The following DHRSX variants were observed in gnomAD, a reference collection of about 807,000 sequenced individuals.
DHRSX encodes polyprenol dehydrogenase.
A neutral mutation model predicts 34.0 loss-of-function variants in DHRSX; 31 were observed. That is an observed-to-expected ratio of 0.91 (90% CI 0.69 to 1.23). The LOEUF is 1.23. DHRSX is among the 50% of genes most tolerant of loss of function. The probability of loss-of-function intolerance (pLI) is 0.00; values close to 1 mark genes in which losing one functional copy is unlikely to be tolerated. For missense variants in DHRSX, 414 were observed against 428.1 expected (o/e 0.97, Z 0.29); for synonymous variants, 201 against 183.8 (o/e 1.09, Z -0.76).
chrX:2,494,611 A>G (rs1290144623), intron 1 of DHRSX, among the ~76,000 whole-genome samples: 1 of 151,880 alleles, frequency 6.6e-6, no homozygotes, highest in Non-Finnish European at 1.5e-5. Context: ...ACTTCAGTCA[A>G]AGGTTTATGT....
chrX:2,291,424 C>T (rs1245716265), intron 4 of DHRSX, 78 bp downstream of exon 4: 47 of 1,134,332 alleles, frequency 4.1e-5, no homozygotes, highest in Non-Finnish European at 6.3e-5. Context: ...TGCTGAGACA[C>T]TTCTCCCGCA....
chrX:2,312,870 A>T (rs1186800311), intron 3 of DHRSX, among the ~76,000 whole-genome samples: 2 of 152,090 alleles, frequency 1.3e-5, no homozygotes, highest in African/African-American at 4.8e-5. Context: ...CATGGGCCAG[A>T]TCCAATGTGC....
Position 2,377,791 on chromosome X carries a change from T to C in DHRSX, c.286+30954A>G, listed in dbSNP as rs1271381822. On this transcript the variant is annotated intron_variant, in intron 3 of 6. Coordinates refer to ENST00000334651, the MANE Select transcript of DHRSX (RefSeq NM_145177.3). ...GTCTTGCTCTGTCGCCAGGCTGGAG[T>C]GCAGTGGCATGATCTCAGCTCACTG... 4.0e-5 allele frequency among the ~76,000 whole-genome samples: 6 copies of C among 149,356 alleles called. No individual in the cohort carries two copies. In the East Asian group the frequency reaches 1.2e-3, roughly 30 times the overall value.
At position 2,243,788 on chromosome X, in the gene DHRSX, G is replaced by GTTTTTTTTTTTTT. The variant is rs778957532; in HGVS notation, c.597-571_597-559dup. Among the ~76,000 whole-genome samples the GTTTTTTTTTTTTT allele has an allele frequency of 3.3e-3, 82 of 25,066 alleles. 5 individuals carry two copies. Among genetic ancestry groups the GTTTTTTTTTTTTT allele is most frequent in the East Asian group, 7.8e-3 (4 of 512 alleles). The allele number at this position is 25,066 out of a possible 152,430, so 16.4% of individuals were successfully genotyped here. A position where few individuals can be genotyped will look rare whatever the true frequency, so the allele number is the denominator to read the frequency against. ...ACAGGCAGGAGCCACTATGCTCCCT[G>GTTTTTTTTTTTTT]TTTTTTTTTTTTTTTTTTTTTTTTT... On this transcript the variant is annotated intron_variant, in intron 5 of 6. Transcript: ENST00000334651.
intron 3 of DHRSX, among the ~76,000 whole-genome samples, chrX:2,328,055 G>A (rs1045495794): frequency 2.9e-5 from 4 of 140,174 alleles, no homozygotes; most frequent in Non-Finnish European, 3.0e-5. Flanking sequence ...ACTCCAGCCT[G>A]GGCGACAGAG....
intron 2 of DHRSX, among the ~76,000 whole-genome samples, chrX:2,417,597 T>A (rs2043713170): frequency 6.6e-6 from 1 of 151,988 alleles, no homozygotes; most frequent in Non-Finnish European, 1.5e-5. Context: ...TTAGACGTCA[T>A]CATGACCTAC....
intron 1 of DHRSX, among the ~76,000 whole-genome samples, chrX:2,498,628 A>AAC (rs1930798605): frequency 6.6e-6 from 1 of 150,974 alleles, no homozygotes; most frequent in South Asian, 2.1e-4. Context: ...TAAATGGGAA[A>AAC]AAAAAAAAAA....
chrX:2,297,964 C>T lies in DHRSX; in HGVS notation c.287-6361G>A, dbSNP rs1273372546. ...AAAGATGGGGTTTCACCATGTTGGCCGGGCTGGTCTCAAACTCCTGACCTC... is the reference window on the plus strand; with the variant it reads ...AAAGATGGGGTTTCACCATGTTGGCTGGGCTGGTCTCAAACTCCTGACCTC... On this transcript the variant is annotated intron_variant, in intron 3 of 6. Transcript: ENST00000334651. Among the ~76,000 whole-genome samples the T allele has an allele frequency of 1.1e-4, 16 of 151,942 alleles. 1 individual carries two copies. Among genetic ancestry groups the T allele is most frequent in the Admixed American group, 7.9e-4 (12 of 15,248 alleles).
intron 3 of DHRSX, among the ~76,000 whole-genome samples, chrX:2,320,939 T>C (rs1179096362): frequency 1.3e-5 from 2 of 152,124 alleles, no homozygotes; most frequent in East Asian, 3.9e-4. Flanking sequence ...AAAAAGACAC[T>C]GCAGGTCAGC....
At chrX:2,400,181 A>C (rs1394795492) in intron 3 of DHRSX, among the ~76,000 whole-genome samples, 1 of 152,242 alleles carries the variant, frequency 6.6e-6, no homozygotes, top group Non-Finnish European at 1.5e-5. Flanking sequence ...TTCCAACTTC[A>C]GCACAGACAT....
At chrX:2,489,555 T>G in intron 1 of DHRSX, 1 of 1,612,764 alleles carries the variant, frequency 6.2e-7, no homozygotes, top group East Asian at 2.2e-5. Flanking sequence ...GCCCACTCGC[T>G]GGCCTCCAGC....
chrX:2,431,790 C>G (rs959416898), intron 1 of DHRSX, among the ~76,000 whole-genome samples: 10 of 152,210 alleles, frequency 6.6e-5, no homozygotes, highest in African/African-American at 2.2e-4. Flanking sequence ...GGTTGGAAAA[C>G]TATTGAGTGC....
chrX:2,377,805 C>G (rs1447627532), intron 3 of DHRSX, among the ~76,000 whole-genome samples: 3 of 150,264 alleles, frequency 2.0e-5, no homozygotes, highest in African/African-American at 7.4e-5. Context: ...GTGGCATGAT[C>G]TCAGCTCACT....
intron 1 of DHRSX, among the ~76,000 whole-genome samples, chrX:2,432,793 A>G (rs991940622): frequency 1.3e-5 from 2 of 152,172 alleles, no homozygotes; most frequent in African/African-American, 4.8e-5. Context: ...AAAATTCAGA[A>G]AGATGGTTAG....
chrX:2,413,255 G>A (rs1370314265), intron 2 of DHRSX, among the ~76,000 whole-genome samples: 1 of 152,106 alleles, frequency 6.6e-6, no homozygotes, highest in Admixed American at 6.6e-5. Context: ...AGGGGGGTGG[G>A]TTGCTGAGAT....
intron 1 of DHRSX, among the ~76,000 whole-genome samples, chrX:2,437,021 C>T (rs987225943): frequency 4.0e-5 from 6 of 151,554 alleles, no homozygotes; most frequent in African/African-American, 9.7e-5. Context: ...TTTTTGAGAC[C>T]GAGTCTCGCT....
intron 1 of DHRSX, among the ~76,000 whole-genome samples, chrX:2,452,180 ACCG>A (rs1230769919): frequency 6.6e-6 from 1 of 151,948 alleles, no homozygotes; most frequent in Non-Finnish European, 1.5e-5. Context: ...TGGCTAAGGG[ACCG>A]CCGCCATGTA....
rs776674786 is a variant in DHRSX, at chrX:2,474,866, C to A, written c.109+25951G>T. ...CTAAGGGACCGCCGCCATGTACACA[C>A]TTAAGACGTTCCCTAAGAATGCGGC... On this transcript the variant is annotated intron_variant, in intron 1 of 6. Coordinates refer to ENST00000334651, the MANE Select transcript of DHRSX (RefSeq NM_145177.3). Among the ~76,000 whole-genome samples, 427 of 151,758 alleles carry A rather than the reference C, an allele frequency of 2.8e-3. 5 individuals carry two copies. The highest frequency in any genetic ancestry group is 0.014 in the Middle Eastern group (4 of 292).
At chrX:2,249,748 T>G (rs2016392734) in intron 5 of DHRSX, among the ~76,000 whole-genome samples, 1 of 151,646 alleles carries the variant, frequency 6.6e-6, no homozygotes, top group Non-Finnish European at 1.5e-5. Context: ...AGTCTCGAAC[T>G]CCTGACTTCA....
Sources: allele counts gnomAD v4.1 joint callset (sites outside exome capture counted in the v4.1 genomes callset), GRCh38; gene constraint gnomAD v4.1.1; transcripts MANE v1.5; gene names NCBI Gene and HGNC (gene_info 2026-07-23, HGNC 2026-07-21).